The following SNX27 variants were observed in gnomAD, a reference collection of about 807,000 sequenced individuals.
SNX27 encodes sorting nexin 27, also known as sorting nexin-27.
SNX27 carries 22 observed loss-of-function variants against 71.6 expected under a neutral mutation model. The ratio of observed to expected loss-of-function variants is 0.31; its 90% CI spans 0.22 to 0.44. SNX27 has a LOEUF of 0.44. Ranked by LOEUF, SNX27 falls within the 20% of genes least tolerant of loss-of-function variation. SNX27 has a pLI of 1.00. For synonymous variants in SNX27, 269 were observed against 277.2 expected, an observed-to-expected ratio of 0.97 and a Z score of 0.29; for missense variants, 531 against 698.6, an observed-to-expected ratio of 0.76 and a Z score of 2.70.
intron 6 of SNX27, 134 bp from the exon 7 acceptor site, chr1:151,668,338 A>T (rs1670304749): frequency 1.3e-6 from 1 of 782,014 alleles, no homozygotes; most frequent in Non-Finnish European, 1.9e-6. Flanking sequence ...CCCAAGGCAG[A>T]ACTCCTTGGT....
At chr1:151,613,742 C>T (rs17641132) in intron 1 of SNX27, among the ~76,000 whole-genome samples, 5,002 of 152,120 alleles carry the variant, frequency 0.033, 110 homozygotes, top group Middle Eastern at 0.071. Context: ...GTTACATTTG[C>T]CTTTTTGTAC....
intron 1 of SNX27, chr1:151,613,976 T>C (rs901770597): frequency 6.6e-6 from 1 of 152,134 alleles, no homozygotes; most frequent in Non-Finnish European, 1.5e-5. Flanking sequence ...CGCAACCTTC[T>C]GTTGCCTCTT....
intron 1 of SNX27, among the ~76,000 whole-genome samples, chr1:151,634,983 C>T (rs1439928708): frequency 6.6e-6 from 1 of 152,234 alleles, no homozygotes; most frequent in Non-Finnish European, 1.5e-5. Flanking sequence ...AGAATTGGTG[C>T]TTCACTGATC....
At chr1:151,642,799 C>T (rs528713283) in intron 2 of SNX27, among the ~76,000 whole-genome samples, 17 of 151,814 alleles carry the variant, frequency 1.1e-4, no homozygotes, top group African/African-American at 3.9e-4. Flanking sequence ...CCACCATGTC[C>T]GGCTAATTTT....
chr1:151,681,244 T>C (rs1195492787), intron 7 of SNX27, among the ~76,000 whole-genome samples: 2 of 125,428 alleles, frequency 1.6e-5, no homozygotes, highest in Non-Finnish European at 3.4e-5. Context: ...TCTTTTTTTT[T>C]TTTTTTTTTT....
chr1:151,635,623 C>T (rs1668428554), intron 1 of SNX27, among the ~76,000 whole-genome samples: 1 of 152,094 alleles, frequency 6.6e-6, no homozygotes, highest in South Asian at 2.1e-4. Flanking sequence ...TTTTTCAAAT[C>T]AGACATCCTG....
At chr1:151,656,420 G>A (rs1025532223) in intron 2 of SNX27, among the ~76,000 whole-genome samples, 2 of 152,154 alleles carry the variant, frequency 1.3e-5, no homozygotes, top group Non-Finnish European at 2.9e-5. Flanking sequence ...TGGTCAATAA[G>A]TATATGAAGA....
At chr1:151,660,733 ACGTCTTTGACT>A in intron 3 of SNX27, 54 bp from the exon 4 acceptor site, 1 of 1,233,808 alleles carries the variant, frequency 8.1e-7, no homozygotes, top group South Asian at 1.2e-5. Context: ...AAACTTTGAT[ACGTCTTTGACT>A]TTATATTCTT....
chr1:151,640,142 A>T (rs893774012), intron 2 of SNX27, among the ~76,000 whole-genome samples: 3 of 152,218 alleles, frequency 2.0e-5, no homozygotes, highest in Admixed American at 6.5e-5. Context: ...AGATAATGGC[A>T]TATAGGTTTT....
chr1:151,613,922 A>G (rs1270739224), intron 1 of SNX27: 2 of 143,304 alleles, frequency 1.4e-5, no homozygotes, highest in Non-Finnish European at 3.0e-5. Context: ...CGATTTGCCC[A>G]CTTGAAATCG....
chr1:151,658,638 C>T (rs1477499484), intron 3 of SNX27, among the ~76,000 whole-genome samples: 2 of 152,000 alleles, frequency 1.3e-5, no homozygotes, highest in Non-Finnish European at 2.9e-5. Context: ...GAATGCTTAA[C>T]AACAACAGAA....
chr1:151,663,213 C>T (rs974467761), intron 5 of SNX27, among the ~76,000 whole-genome samples: 5 of 149,360 alleles, frequency 3.3e-5, no homozygotes, highest in African/African-American at 5.0e-5. Flanking sequence ...TGCAGTGGTG[C>T]GATCTTGGCT....
rs540332829 is a variant in SNX27 at position 151,693,412 on chromosome 1, CT to C, written c.1519-4del. On this transcript the variant is annotated splice_polypyrimidine_tract_variant and intron_variant, in intron 10 of 11. Coordinates refer to ENST00000458013, the MANE Select transcript of SNX27 (RefSeq NM_001330723.2). ...TTGAGAAGTTAGTGAGTGTCACCAC[CT>C]TTTTTTTCAGTTCAATTACATGCAT... 7 of 1,611,446 alleles carry C rather than the reference CT, an allele frequency of 4.3e-6. No individual in the cohort carries two copies. Among genetic ancestry groups the C allele is most frequent in the East Asian group, 2.2e-5 (1 of 44,858 alleles).
intron 1 of SNX27, among the ~76,000 whole-genome samples, chr1:151,620,409 CTCTTGGACTG>C (rs1274648689): frequency 2.0e-5 from 3 of 152,158 alleles, no homozygotes; most frequent in Admixed American, 2.0e-4. Flanking sequence ...GCCATCTAGT[CTCTTGGACTG>C]TCTTGTACTA....
chr1:151,649,666 A>G (rs567395610), intron 2 of SNX27, among the ~76,000 whole-genome samples: 1 of 152,024 alleles, frequency 6.6e-6, no homozygotes, highest in Non-Finnish European at 1.5e-5. Flanking sequence ...GGTCTTTTCT[A>G]TGGATTATTT....
At position 151,639,130 on chromosome 1, in the gene SNX27, G is replaced by A; in HGVS notation, c.543+11G>A. ...GGTGAGAAGTTTGTGGTGAGTGTCAGCCCAACTCGATCCTCGAACATCTAG... is the reference window on the plus strand; with the variant it reads ...GGTGAGAAGTTTGTGGTGAGTGTCAACCCAACTCGATCCTCGAACATCTAG... On this transcript the variant is annotated intron_variant, in intron 2 of 11. Coordinates refer to ENST00000458013, the MANE Select transcript of SNX27 (RefSeq NM_001330723.2). 6.2e-7 allele frequency: 1 copy of A among 1,602,670 alleles called. No individual in the cohort carries two copies. Among genetic ancestry groups the A allele is most frequent in the Non-Finnish European group, 8.5e-7 (1 of 1,170,772 alleles).
Position 151,692,432 on chromosome 1 carries a change from T to C in SNX27, c.1240-3T>C, listed in dbSNP as rs1558078080. On this transcript the variant is annotated splice_region_variant and splice_polypyrimidine_tract_variant and intron_variant, in intron 8 of 11. Transcript: ENST00000458013. ...TTTTTTTTTTTTTTTTTTTTTTTTTTAGTACCTCAACATGCTAAGGACTTG... is the reference window on the plus strand; with the variant it reads ...TTTTTTTTTTTTTTTTTTTTTTTTTCAGTACCTCAACATGCTAAGGACTTG... The C allele has an allele frequency of 5.5e-6, 8 of 1,452,074 alleles. No individual in the cohort carries two copies. Among genetic ancestry groups the C allele is most frequent in the South Asian group, 2.7e-5 (2 of 73,662 alleles). The allele number at this position is 1,452,074 out of a possible 1,614,324, so 89.9% of individuals were successfully genotyped here.
At chr1:151,649,979 C>G (rs935730878) in intron 2 of SNX27, among the ~76,000 whole-genome samples, 2 of 152,114 alleles carry the variant, frequency 1.3e-5, no homozygotes, top group African/African-American at 4.8e-5. Flanking sequence ...CCTCCACCTC[C>G]CAGGGTCAAG....
At chr1:151,664,682 C>T (rs182877921) in intron 5 of SNX27, among the ~76,000 whole-genome samples, 141 of 152,258 alleles carry the variant, frequency 9.3e-4, no homozygotes, top group African/African-American at 3.3e-3. Flanking sequence ...AACCTATCCC[C>T]CATACATTTA....
Sources: gnomAD v4.1 joint callset for allele counts (sites outside exome capture counted in the v4.1 genomes callset) on GRCh38, gnomAD v4.1.1 for gene constraint, MANE v1.5 for transcripts, NCBI Gene and HGNC (gene_info 2026-07-23, HGNC 2026-07-21) for gene names.